The following CDC42BPA variants were observed in gnomAD, a reference collection of about 807,000 sequenced individuals.
CDC42BPA encodes CDC42 binding protein kinase alpha.
A neutral mutation model predicts 223.5 loss-of-function variants in CDC42BPA; 80 were observed. The observed-to-expected ratio is 0.36, with a 90% CI of 0.30 to 0.43. CDC42BPA has a LOEUF of 0.43. Ranked by LOEUF, CDC42BPA falls within the 20% of genes least tolerant of loss-of-function variation. The pLI is 1.00. For synonymous variants in CDC42BPA, 694 were observed against 718.6 expected, an observed-to-expected ratio of 0.97 and a Z score of 0.55; for missense variants, 1,743 against 2,099.9, an observed-to-expected ratio of 0.83 and a Z score of 3.32.
intron 10 of CDC42BPA, among the ~76,000 whole-genome samples, chr1:227,134,633 C>T (rs991972141): frequency 6.6e-6 from 1 of 152,234 alleles, no homozygotes; most frequent in East Asian, 1.9e-4. Flanking sequence ...TGGTCATGGG[C>T]AGTACAGCTC....
chr1:227,163,742 A>AAAT (rs1553372071), intron 5 of CDC42BPA, among the ~76,000 whole-genome samples: 19 of 142,682 alleles, frequency 1.3e-4, no homozygotes, highest in African/African-American at 4.8e-4. Context: ...AAAAAAAAAA[A>AAAT]ATATATATAT....
chr1:227,005,347 A>G (rs1663796814), intron 34 of CDC42BPA, among the ~76,000 whole-genome samples: 1 of 152,256 alleles, frequency 6.6e-6, no homozygotes. Flanking sequence ...AATACTTATC[A>G]GTAAAAAACA....
Position 227,168,498 on chromosome 1 carries a change from T to TGTTTTG in CDC42BPA, c.600-7863_600-7862insCAAAAC, listed in dbSNP as rs201885821. On this transcript the variant is annotated intron_variant, in intron 5 of 36. Coordinates refer to ENST00000366766, the MANE Select transcript of CDC42BPA (RefSeq NM_001394014.1). ...TTTTTCATATTTATCTTCCCTGGTG[T>TGTTTTG]TTTTTTTTTTTTTTTGAGGCAGAGT... Among the ~76,000 whole-genome samples the TGTTTTG allele has an allele frequency of 4.7e-4, 12 of 25,430 alleles. 1 individual carries two copies. The highest frequency in any genetic ancestry group is 6.5e-4 in the Non-Finnish European group (7 of 10,698). 16.7% of individuals were successfully genotyped at this position (25,430 alleles called of 152,430 possible).
chr1:227,252,166 G>A (rs1682129097), intron 2 of CDC42BPA, among the ~76,000 whole-genome samples: 1 of 151,744 alleles, frequency 6.6e-6, no homozygotes, highest in Admixed American at 6.6e-5. Context: ...ATAAAGTGCA[G>A]AAATTAAAGA....
chr1:227,035,996 G>A (rs768658645), intron 24 of CDC42BPA, among the ~76,000 whole-genome samples: 26 of 152,152 alleles, frequency 1.7e-4, no homozygotes, highest in Non-Finnish European at 3.1e-4. Context: ...AGGGTCACTA[G>A]TGGGCATTAA....
chr1:227,277,078 T>TAAA (rs199895591), intron 1 of CDC42BPA, among the ~76,000 whole-genome samples: 6 of 105,020 alleles, frequency 5.7e-5, no homozygotes, highest in Admixed American at 1.8e-4. Flanking sequence ...CAATAAATAC[T>TAAA]AAAAAAAAAA....
At chr1:227,057,345 C>T (rs1320754026) in intron 21 of CDC42BPA, among the ~76,000 whole-genome samples, 2 of 140,494 alleles carry the variant, frequency 1.4e-5, no homozygotes, top group Non-Finnish European at 1.5e-5. Context: ...AATACTACCT[C>T]ATTCATATGA....
At chr1:227,030,930 G>A (rs1669163326) in intron 28 of CDC42BPA, among the ~76,000 whole-genome samples, 1 of 152,110 alleles carries the variant, frequency 6.6e-6, no homozygotes, top group Non-Finnish European at 1.5e-5. Flanking sequence ...TCTGTGTTAT[G>A]TATTCCATCT....
chr1:227,159,908 A>G (rs766956242), intron 6 of CDC42BPA, among the ~76,000 whole-genome samples: 8 of 151,842 alleles, frequency 5.3e-5, no homozygotes, highest in African/African-American at 1.9e-4. Context: ...CAGTGGTGCA[A>G]TCTTGGCTCA....
chr1:227,205,363 T>C (rs1672533707), intron 3 of CDC42BPA, among the ~76,000 whole-genome samples: 1 of 150,786 alleles, frequency 6.6e-6, no homozygotes, highest in East Asian at 1.9e-4. Context: ...AAGAATGAGA[T>C]ATTATAAATG....
At chr1:227,179,176 T>C (rs989011770) in intron 5 of CDC42BPA, among the ~76,000 whole-genome samples, 3 of 152,022 alleles carry the variant, frequency 2.0e-5, no homozygotes, top group East Asian at 1.9e-4. Context: ...GCTGGGGAAA[T>C]AGGGAAACAG....
chr1:227,150,707 A>C (rs1661574805), intron 6 of CDC42BPA, among the ~76,000 whole-genome samples: 1 of 152,140 alleles, frequency 6.6e-6, no homozygotes, highest in African/African-American at 2.4e-5. Flanking sequence ...ATAATGAAGA[A>C]GAAGGAGGAC....
intron 1 of CDC42BPA, among the ~76,000 whole-genome samples, chr1:227,289,730 C>CA (rs1689380686): frequency 6.6e-6 from 1 of 151,940 alleles, no homozygotes; most frequent in Non-Finnish European, 1.5e-5. Flanking sequence ...TGTATCATGG[C>CA]AAAAAACAAC....
At chr1:227,289,233 A>C (rs1159186531) in intron 1 of CDC42BPA, among the ~76,000 whole-genome samples, 4 of 152,108 alleles carry the variant, frequency 2.6e-5, no homozygotes, top group African/African-American at 4.8e-5. Context: ...CCCTTAGAGG[A>C]AAATATAAAC....
At chr1:227,231,975 C>T (rs2147995324) in intron 2 of CDC42BPA, among the ~76,000 whole-genome samples, 1 of 152,282 alleles carries the variant, frequency 6.6e-6, no homozygotes, top group Non-Finnish European at 1.5e-5. Context: ...CATACAGAAG[C>T]TCTTTAGTTT....
intron 31 of CDC42BPA, among the ~76,000 whole-genome samples, chr1:227,025,347 T>C (rs1668065281): frequency 6.6e-6 from 1 of 152,220 alleles, no homozygotes; most frequent in Non-Finnish European, 1.5e-5. Flanking sequence ...TGGCAGTATT[T>C]ACAAGAGCTT....
rs1678545574 is a variant in CDC42BPA, at chr1:227,072,272, G to C, written c.2763C>G (p.Asn921Lys). 1.2e-6 allele frequency: 2 copies of C among 1,604,248 alleles called. No homozygotes were observed. Among genetic ancestry groups the C allele is most frequent in the South Asian group, 1.1e-5 (1 of 90,654 alleles). The change falls in exon 20 of 37, where the codon AAC becomes AAG. Residue 921 changes from asparagine to lysine, a missense_variant. Transcript: ENST00000366766. ...ECKLKDSEKK[N>K]LELLSEIEQL... is the part of the protein sequence containing the mutation. ...GTTCGATTTCTGAGAGTAGTTCCAA[G>C]TTCTTCTTCTCTGAATCTTTTAGTT...
At chr1:227,059,946 CAA>C (rs745497318) in intron 21 of CDC42BPA, among the ~76,000 whole-genome samples, 2 of 148,578 alleles carry the variant, frequency 1.3e-5, no homozygotes, top group Admixed American at 6.7e-5. Flanking sequence ...CAGCCATAGT[CAA>C]AAGAGGGACT....
rs1683233921 is a variant in CDC42BPA, at chr1:227,092,370, G to A, written c.2250-379C>T. Among the ~76,000 whole-genome samples, 4 of 152,232 alleles carry A rather than the reference G, an allele frequency of 2.6e-5. No individual in the cohort carries two copies. The South Asian group carries it at 8.3e-4, about 32-fold the overall frequency. On this transcript the variant is annotated intron_variant, in intron 15 of 36. Coordinates refer to ENST00000366766, the MANE Select transcript of CDC42BPA (RefSeq NM_001394014.1). ...ATAAGTTCTAAATTGTATATATATGGCAATGCAAAAAGTATTTGGGAGAGG... is the reference window on the plus strand; with the variant it reads ...ATAAGTTCTAAATTGTATATATATGACAATGCAAAAAGTATTTGGGAGAGG...
Sources: gnomAD v4.1 joint callset for allele counts (sites outside exome capture counted in the v4.1 genomes callset) on GRCh38, gnomAD v4.1.1 for gene constraint, MANE v1.5 for transcripts, NCBI Gene and HGNC (gene_info 2026-07-23, HGNC 2026-07-21) for gene names.